The following ZNF429 variants were observed in gnomAD, a reference collection of about 807,000 sequenced individuals.
The protein encoded by ZNF429 is zinc finger protein 429.
ZNF429 carries 53 observed loss-of-function variants against 56.8 expected under a neutral mutation model. The observed-to-expected ratio is 0.93, with a 90% confidence interval of 0.75 to 1.17. The LOEUF (loss-of-function observed/expected upper bound fraction) is 1.17. Among genes scored for constraint, ZNF429 ranks in the 50% most tolerant of loss-of-function variants. The pLI, the probability that ZNF429 is intolerant of heterozygous loss-of-function variation, is 0.00. For synonymous variants in ZNF429, 278 were observed against 264.7 expected (o/e 1.05, Z -0.49); for missense variants, 849 against 788.4 (o/e 1.08, Z -0.92).
intron 1 of ZNF429, among the ~76,000 whole-genome samples, chr19:21,522,196 A>G (rs1315875958): frequency 6.6e-6 from 1 of 152,202 alleles, no homozygotes; most frequent in African/African-American, 2.4e-5. Context: ...TCAAGTTGGA[A>G]TATTACCTCC....
At chr19:21,516,741 C>T (rs888643675) in intron 1 of ZNF429, among the ~76,000 whole-genome samples, 1 of 152,030 alleles carries the variant, frequency 6.6e-6, no homozygotes, top group African/African-American at 2.4e-5. Context: ...TGGTTTTTGG[C>T]TCAGATATTG....
At chr19:21,521,622 G>A (rs1394287350) in intron 1 of ZNF429, 1 of 152,160 alleles carries the variant, frequency 6.6e-6, no homozygotes, top group Non-Finnish European at 1.5e-5. Context: ...AACTTAGTTT[G>A]TTCTCAGTAG....
intron 1 of ZNF429, among the ~76,000 whole-genome samples, chr19:21,512,926 C>A (rs899466095): frequency 1.7e-4 from 25 of 150,728 alleles, no homozygotes; most frequent in African/African-American, 5.6e-4. Context: ...CGCTGGAGTG[C>A]AGTGGCGTGA....
Position 21,537,785 on chromosome 19 carries a change from T to C in ZNF429, c.1732T>C (p.Ser578Pro). ...KQCDKAFTHS[S>P]NLSSHKKIHS... ...ATGTGACAAAGCTTTTACCCACTCC[T>C]CAAACCTTAGTAGTCATAAGAAAAT... Residue 578 changes from serine (S) to proline (P), a missense_variant, in exon 4 of 4, where the codon TCA becomes CCA. Coordinates refer to ENST00000358491, the MANE Select transcript of ZNF429 (RefSeq NM_001001415.4). The C allele has an allele frequency of 6.2e-7, 1 of 1,613,386 alleles. No individual in the cohort carries two copies. Among genetic ancestry groups the C allele is most frequent in the Non-Finnish European group, 8.5e-7 (1 of 1,179,968 alleles).
rs1204220872 is a variant in ZNF429 at position 21,537,324 on chromosome 19, C to T, written c.1271C>T (p.Pro424Leu). 6.2e-7 allele frequency: 1 copy of T among 1,613,954 alleles called. No homozygotes were observed. The highest frequency in any genetic ancestry group is 8.5e-7 in the Non-Finnish European group (1 of 1,179,958). The change falls in exon 4 of 4, where the codon CCC becomes CTC. Residue 424 changes from proline (P) to leucine (L), a missense_variant. Physicochemically the swap from Pro to Leu is moderately conservative, Grantham distance 98 (BLOSUM62 -3). Coordinates refer to ENST00000358491, the MANE Select transcript of ZNF429 (RefSeq NM_001001415.4). ...QDKKIHTGEK[P>L]YNCEECGKVF... Reference sequence around the variant, plus strand: ...AAGAAAATTCATACTGGAGAGAAACCCTACAATTGTGAAGAATGTGGCAAA... The same window carrying T: ...AAGAAAATTCATACTGGAGAGAAACTCTACAATTGTGAAGAATGTGGCAAA...
At chr19:21,514,018 C>T (rs2032623358) in intron 1 of ZNF429, among the ~76,000 whole-genome samples, 1 of 152,170 alleles carries the variant, frequency 6.6e-6, no homozygotes, top group Non-Finnish European at 1.5e-5. Flanking sequence ...CAATCTGCAA[C>T]AGCAACCTGT....
intron 1 of ZNF429, among the ~76,000 whole-genome samples, chr19:21,522,379 T>A (rs1381589807): frequency 6.6e-6 from 1 of 152,240 alleles, no homozygotes; most frequent in Non-Finnish European, 1.5e-5. Flanking sequence ...TTGCAGTCTC[T>A]TAAGCAAATT....
rs2033858438 is a variant in ZNF429 at position 21,539,801 on chromosome 19, T to C, written c.*1723T>C. 6.6e-6 allele frequency among the ~76,000 whole-genome samples: 1 copy of C among 152,122 alleles called. No homozygotes were observed. The highest frequency in any genetic ancestry group is 1.5e-5 in the Non-Finnish European group (1 of 68,036). ...AGCAAATTATGATATAATTCAAGTA[T>C]CAAATTACTTCATGCTGTTTCATTG... is the stretch of plus-strand genomic sequence containing the variant. On this transcript the variant is annotated 3_prime_UTR_variant, in exon 4 of 4. Coordinates refer to ENST00000358491, the MANE Select transcript of ZNF429 (RefSeq NM_001001415.4).
In ZNF429 at chr19:21,535,473, TTTCTTTCTTTCTTTCTTTCTTTCTTC is replaced by T; in HGVS notation, c.227-804_227-779del. Among the ~76,000 whole-genome samples the T allele has an allele frequency of 4.2e-5, 4 of 95,764 alleles. 1 individual carries two copies. The highest frequency in any genetic ancestry group is 9.1e-5 in the African/African-American group (2 of 22,070). 62.8% of individuals were successfully genotyped at this position (95,764 alleles called of 152,430 possible). The stretch of plus-strand genomic sequence containing the variant: ...CTTTCTTTCTTTCTTTCTTTCTTTC[TTTCTTTCTTTCTTTCTTTCTTTCTTC>T]TTTCTTTCTTTCTTTCCTTCTTTTT... On this transcript the variant is annotated intron_variant, in intron 3 of 3. Coordinates refer to ENST00000358491, the MANE Select transcript of ZNF429 (RefSeq NM_001001415.4).
chr19:21,538,795 G>C lies in ZNF429; in HGVS notation c.*717G>C, dbSNP rs1381049508. On this transcript the variant is annotated 3_prime_UTR_variant, in exon 4 of 4. Coordinates refer to ENST00000358491, the MANE Select transcript of ZNF429 (RefSeq NM_001001415.4). ...AATCTGTTCACATCTTAACAACAGA[G>C]AGTTGATACTTAATAAGAGCATTGT... is the stretch of plus-strand genomic sequence containing the variant. 6.6e-6 allele frequency: 1 copy of C among 152,204 alleles called. No individual in the cohort carries two copies. The highest frequency in any genetic ancestry group is 1.9e-4 in the East Asian group (1 of 5,204). The allele number at this position is 152,204 out of a possible 1,614,324, so 9.4% of individuals were successfully genotyped here. A position where few individuals can be genotyped will look rare whatever the true frequency, so the allele number is the denominator to read the frequency against.
At position 21,539,570 on chromosome 19, in the gene ZNF429, C is replaced by A. The variant is rs950942474; in HGVS notation, c.*1492C>A. On this transcript the variant is annotated 3_prime_UTR_variant, in exon 4 of 4. Transcript: ENST00000358491. ...CTGAGTAGCTGGGAATACAGGCATACACCAGCATGTCTGGCTATTTTTTTT... is the reference window on the plus strand; with the variant it reads ...CTGAGTAGCTGGGAATACAGGCATAAACCAGCATGTCTGGCTATTTTTTTT... Among the ~76,000 whole-genome samples the A allele has an allele frequency of 6.6e-6, 1 of 151,090 alleles. No homozygotes were observed. The highest frequency in any genetic ancestry group is 6.6e-5 in the Admixed American group (1 of 15,064).
At chr19:21,510,893 G>C (rs936436081) in intron 1 of ZNF429, among the ~76,000 whole-genome samples, 1 of 152,008 alleles carries the variant, frequency 6.6e-6, no homozygotes, top group African/African-American at 2.4e-5. Flanking sequence ...GCACAGGGTT[G>C]GGGGTAAGGT....
At chr19:21,535,566 G>A in intron 3 of ZNF429, among the ~76,000 whole-genome samples, 1 of 148,914 alleles carries the variant, frequency 6.7e-6, no homozygotes, top group Non-Finnish European at 1.5e-5. Flanking sequence ...CCAGGCTGGA[G>A]TGCAGTGGTA....
intron 1 of ZNF429, among the ~76,000 whole-genome samples, chr19:21,515,859 C>G (rs1202071933): frequency 6.6e-6 from 1 of 151,940 alleles, no homozygotes; most frequent in African/African-American, 2.4e-5. Flanking sequence ...TCTTACGTTC[C>G]TCTTGTCAGC....
At chr19:21,508,050 C>T (rs1227586496) in intron 1 of ZNF429, among the ~76,000 whole-genome samples, 3 of 152,052 alleles carry the variant, frequency 2.0e-5, no homozygotes, top group Admixed American at 2.0e-4. Flanking sequence ...GTCAGGAGTT[C>T]GAGACCAGCC....
rs1402399972 is a variant in ZNF429, at chr19:21,540,299, T to A, written c.*2221T>A. On this transcript the variant is annotated 3_prime_UTR_variant, in exon 4 of 4. Transcript: ENST00000358491. ...TATTTAGTAACATAGTGGAATAGCA[T>A]CTCTAGTAATCTCTTTTGCCAGTAG... Among the ~76,000 whole-genome samples the A allele has an allele frequency of 6.6e-6, 1 of 152,190 alleles. No homozygotes were observed. The highest frequency in any genetic ancestry group is 2.4e-5 in the African/African-American group (1 of 41,450).
At chr19:21,531,125 A>C in intron 3 of ZNF429, among the ~76,000 whole-genome samples, 8 of 103,036 alleles carry the variant, frequency 7.8e-5, no homozygotes, top group African/African-American at 1.4e-4. Flanking sequence ...AAAAAAAAAA[A>C]AAAACCAAAA....
intron 1 of ZNF429, among the ~76,000 whole-genome samples, chr19:21,517,195 T>C (rs1316885186): frequency 6.6e-6 from 1 of 152,186 alleles, no homozygotes; most frequent in Non-Finnish European, 1.5e-5. Flanking sequence ...ATTGAGATAA[T>C]CTTGTGTTTT....
In ZNF429 at chr19:21,538,186, G is replaced by A. The variant is rs2033796953; in HGVS notation, c.*108G>A. The stretch of plus-strand genomic sequence containing the variant: ...CCCACCTACTCGGGAGGCTGAGGCA[G>A]GAGAATGGCCTGAACCCGGAGGTGG... On this transcript the variant is annotated 3_prime_UTR_variant, in exon 4 of 4. Transcript: ENST00000358491. 2.0e-6 allele frequency: 1 copy of A among 489,698 alleles called. No individual in the cohort carries two copies. Among genetic ancestry groups the A allele is most frequent in the Non-Finnish European group, 3.5e-6 (1 of 282,864 alleles). 30.3% of individuals were successfully genotyped at this position (489,698 alleles called of 1,614,324 possible).
Sources: gnomAD v4.1 joint callset for allele counts (sites outside exome capture counted in the v4.1 genomes callset) on GRCh38, gnomAD v4.1.1 for gene constraint, MANE v1.5 for transcripts, NCBI Gene and HGNC (gene_info 2026-07-23, HGNC 2026-07-21) for gene names.